The following CRKL variants were observed in gnomAD, a reference collection of about 807,000 sequenced individuals.
CRKL encodes crk-like protein.
CRKL carries 3 observed loss-of-function variants against 23.0 expected under a neutral mutation model. The ratio of observed to expected loss-of-function variants is 0.13; its 90% CI spans 0.06 to 0.34. The LOEUF (loss-of-function observed/expected upper bound fraction) is 0.34. Ranked by LOEUF, CRKL falls within the 10% of genes least tolerant of loss-of-function variation. The pLI is 1.00. For synonymous variants in CRKL, 188 were observed against 160.7 expected (o/e 1.17, Z -1.28); for missense variants, 256 against 394.5 (o/e 0.65, Z 2.97).
chr22:20,918,688 T>G (rs1206991130), intron 1 of CRKL, among the ~76,000 whole-genome samples: 1 of 148,296 alleles, frequency 6.7e-6, no homozygotes, highest in Non-Finnish European at 1.5e-5. Flanking sequence ...GCCTCCCGGG[T>G]TCAAGCGATT....
chr22:20,918,274 G>C, intron 1 of CRKL, 29 bp downstream of exon 1: 1 of 1,607,690 alleles, frequency 6.2e-7, no homozygotes, highest in Non-Finnish European at 8.5e-7. Flanking sequence ...CGACCGCGGA[G>C]GAAGGTCGAG....
At chr22:20,934,294 A>G in intron 2 of CRKL, 50 bp downstream of exon 2, 2 of 1,493,054 alleles carry the variant, frequency 1.3e-6, no homozygotes, top group Admixed American at 2.0e-5. Context: ...TTTGGTTTTA[A>G]TTTTTAGTTT....
chr22:20,941,235 G>A (rs1182761838), intron 2 of CRKL, among the ~76,000 whole-genome samples: 1 of 151,936 alleles, frequency 6.6e-6, no homozygotes, highest in Non-Finnish European at 1.5e-5. Context: ...AGAATCTCAG[G>A]TGTGTCCTTC....
chr22:20,919,377 G>C (rs1241245048), intron 1 of CRKL, among the ~76,000 whole-genome samples: 1 of 152,176 alleles, frequency 6.6e-6, no homozygotes, highest in Non-Finnish European at 1.5e-5. Flanking sequence ...ATTTTTGAAT[G>C]ACACTTAGTT....
intron 2 of CRKL, among the ~76,000 whole-genome samples, chr22:20,935,442 C>A (rs182004248): frequency 4.7e-4 from 71 of 152,210 alleles, no homozygotes; most frequent in African/African-American, 1.6e-3. Flanking sequence ...ATACATCAGC[C>A]CTTGCTTGTT....
intron 2 of CRKL, among the ~76,000 whole-genome samples, chr22:20,943,033 TCAA>T (rs146737440): frequency 0.03 from 4,525 of 152,260 alleles, 88 homozygotes; most frequent in Middle Eastern, 0.065. Context: ...CACATCCTCA[TCAA>T]CACTTGTTAT....
At chr22:20,935,008 G>T (rs1432832380) in intron 2 of CRKL, among the ~76,000 whole-genome samples, 1 of 151,862 alleles carries the variant, frequency 6.6e-6, no homozygotes, top group African/African-American at 2.4e-5. Flanking sequence ...TAGAGACAGG[G>T]TTTCACCGTA....
At chr22:20,948,754 T>C (rs5752307) in intron 2 of CRKL, among the ~76,000 whole-genome samples, 125,882 of 152,156 alleles carry the variant, frequency 0.83, 52,172 homozygotes, top group East Asian at 0.92. Flanking sequence ...CCCACCTCAG[T>C]CTGCCAAGGA....
chr22:20,942,157 T>C (rs928243667), intron 2 of CRKL, among the ~76,000 whole-genome samples: 2 of 152,254 alleles, frequency 1.3e-5, no homozygotes, highest in African/African-American at 2.4e-5. Flanking sequence ...CTACCTGATA[T>C]AAGTAAAATG....
chr22:20,948,063 G>A (rs1922134199), intron 2 of CRKL, among the ~76,000 whole-genome samples: 1 of 152,108 alleles, frequency 6.6e-6, no homozygotes. Flanking sequence ...GTTTTTTAAG[G>A]ATACGAACTG....
rs544692305 is a variant in CRKL, at chr22:20,949,691, T to C, written c.778-20T>C. The C allele has an allele frequency of 2.1e-4, 331 of 1,607,918 alleles. 5 individuals carry two copies. In the South Asian group the frequency reaches 3.6e-3, roughly 17 times the overall value. On this transcript the variant is annotated intron_variant, in intron 2 of 2. Transcript: ENST00000354336. ...TCTTGTTGCAGAGAAATGCTAACTTTGTCTTCTTCATCCATACAGGTTGGT... is the reference window on the plus strand; with the variant it reads ...TCTTGTTGCAGAGAAATGCTAACTTCGTCTTCTTCATCCATACAGGTTGGT...
chr22:20,934,468 T>G (rs1473328325), intron 2 of CRKL, among the ~76,000 whole-genome samples: 2 of 152,162 alleles, frequency 1.3e-5, no homozygotes, highest in Admixed American at 1.3e-4. Flanking sequence ...GGTCCTGGCC[T>G]CAAGCAATCC....
Position 20,953,424 on chromosome 22 carries a change from A to AAACAACAACAAC in CRKL, c.*3596_*3607dup, listed in dbSNP as rs55778752. 1.6e-3 allele frequency: 359 copies of AAACAACAACAAC among 227,968 alleles called. 2 individuals carry two copies. The highest frequency in any genetic ancestry group is 7.6e-3 in the African/African-American group (343 of 44,860). The allele number at this position is 227,968 out of a possible 1,614,324, so 14.1% of individuals were successfully genotyped here. A position where few individuals can be genotyped will look rare whatever the true frequency, so the allele number is the denominator to read the frequency against. The stretch of plus-strand genomic sequence containing the variant: ...TAGACGGTCTTCACTGTGTGTTTTA[A>AAACAACAACAAC]AACAACAACAACAACAACAACAACA... On this transcript the variant is annotated 3_prime_UTR_variant, in exon 3 of 3. Transcript: ENST00000354336.
intron 1 of CRKL, among the ~76,000 whole-genome samples, chr22:20,927,519 T>G (rs900711114): frequency 6.6e-6 from 1 of 150,980 alleles, no homozygotes; most frequent in African/African-American, 2.4e-5. Context: ...CTACCTTTTT[T>G]TTTTTTTTTT....
At chr22:20,948,874 G>T (rs768210182) in intron 2 of CRKL, among the ~76,000 whole-genome samples, 3 of 152,124 alleles carry the variant, frequency 2.0e-5, no homozygotes, top group Admixed American at 1.3e-4. Flanking sequence ...TTCAAGTAGC[G>T]TTTTTATGGA....
chr22:20,941,446 G>A (rs1202121300), intron 2 of CRKL, among the ~76,000 whole-genome samples: 1 of 149,808 alleles, frequency 6.7e-6, no homozygotes, highest in African/African-American at 2.5e-5. Context: ...CCATGCAAAT[G>A]TAGGAATCTT....
intron 1 of CRKL, among the ~76,000 whole-genome samples, chr22:20,927,842 C>CAAAAAAAAA (rs796204860): frequency 3.6e-5 from 2 of 56,260 alleles, no homozygotes; most frequent in African/African-American, 6.3e-5. Flanking sequence ...GACTCTGTCT[C>CAAAAAAAAA]AAAAAAAAAA....
chr22:20,925,914 TA>T (rs1921185283), intron 1 of CRKL, among the ~76,000 whole-genome samples: 2 of 152,248 alleles, frequency 1.3e-5, no homozygotes, highest in South Asian at 4.1e-4. Context: ...TCTTGGAATC[TA>T]ATGGAAGTAA....
At chr22:20,925,685 G>A (rs1159571834) in intron 1 of CRKL, among the ~76,000 whole-genome samples, 2 of 152,212 alleles carry the variant, frequency 1.3e-5, no homozygotes, top group Non-Finnish European at 2.9e-5. Context: ...TGGAATGAAC[G>A]TGACAAGAAC....
Sources: allele counts gnomAD v4.1 joint callset (sites outside exome capture counted in the v4.1 genomes callset), GRCh38; gene constraint gnomAD v4.1.1; transcripts MANE v1.5; gene names NCBI Gene and HGNC (gene_info 2026-07-23, HGNC 2026-07-21).